NEK1: variants seen among roughly 807,000 people sequenced by gnomAD.
NEK1 encodes the protein serine/threonine-protein kinase Nek1.
Under a neutral mutation model 182.1 loss-of-function variants are expected in NEK1, and 137 were observed. The observed-to-expected ratio is 0.75, with a 90% CI of 0.65 to 0.87. The LOEUF is 0.87. Ranked by LOEUF, NEK1 falls within the 40% of genes least tolerant of loss-of-function variation. NEK1 has a pLI of 0.00. For synonymous variants in NEK1, 513 were observed against 492.2 expected (o/e 1.04, Z -0.56); for missense variants, 1,391 against 1,494.4 (o/e 0.93, Z 1.14).
At chr4:169,495,239 CTTTTTTTTTTT>C (rs774183115) in intron 23 of NEK1, among the ~76,000 whole-genome samples, 2 of 105,450 alleles carry the variant, frequency 1.9e-5, no homozygotes, top group South Asian at 4.2e-4. Context: ...ACATTTAAGT[CTTTTTTTTTTT>C]TTTTTTTTTT....
intron 27 of NEK1, among the ~76,000 whole-genome samples, chr4:169,440,600 G>A (rs1739260632): frequency 6.6e-6 from 1 of 152,136 alleles, no homozygotes; most frequent in Non-Finnish European, 1.5e-5. Flanking sequence ...CAGCCGCAAA[G>A]GGATGGGGAA....
intron 27 of NEK1, among the ~76,000 whole-genome samples, chr4:169,440,989 C>T (rs143100689): frequency 2.0e-5 from 3 of 152,192 alleles, no homozygotes; most frequent in Admixed American, 2.0e-4. Flanking sequence ...CCCCTGGAGC[C>T]CTACTGACAT....
chr4:169,460,709 C>T (rs551080811), intron 27 of NEK1, among the ~76,000 whole-genome samples: 26 of 151,956 alleles, frequency 1.7e-4, no homozygotes, highest in African/African-American at 6.3e-4. Context: ...GCAAAAAGAC[C>T]AAATCACTTA....
intron 11 of NEK1, among the ~76,000 whole-genome samples, chr4:169,579,879 T>C (rs990658294): frequency 1.3e-5 from 2 of 152,080 alleles, no homozygotes; most frequent in African/African-American, 2.4e-5. Context: ...ATTTTTATGA[T>C]ACATATTTTT....
chr4:169,500,726 T>C (rs1015488293), intron 23 of NEK1, among the ~76,000 whole-genome samples: 4 of 152,116 alleles, frequency 2.6e-5, no homozygotes, highest in African/African-American at 9.7e-5. Context: ...AGAGAATTTG[T>C]CACCAGCAGA....
intron 5 of NEK1, among the ~76,000 whole-genome samples, chr4:169,597,677 G>A (rs1179386422): frequency 2.0e-5 from 3 of 151,988 alleles, no homozygotes; most frequent in Admixed American, 1.3e-4. Context: ...GCTCACGCCT[G>A]TAATCCCAGC....
At chr4:169,451,826 A>G (rs994278959) in intron 27 of NEK1, among the ~76,000 whole-genome samples, 3 of 152,230 alleles carry the variant, frequency 2.0e-5, no homozygotes, top group Non-Finnish European at 4.4e-5. Context: ...AACCCTTCAA[A>G]AAATCAATGA....
At chr4:169,515,398 T>C (rs1755007820) in intron 19 of NEK1, among the ~76,000 whole-genome samples, 1 of 152,216 alleles carries the variant, frequency 6.6e-6, no homozygotes, top group Non-Finnish European at 1.5e-5. Context: ...TCAACTGTAA[T>C]TGTGAACCTG....
At position 169,578,594 on chromosome 4, in the gene NEK1, T is replaced by C. The variant is rs75442477; in HGVS notation, c.869-1515A>G. Among the ~76,000 whole-genome samples, 238 of 152,314 alleles carry C rather than the reference T, an allele frequency of 1.6e-3. 6 individuals carry two copies. In the East Asian group the frequency reaches 0.041, roughly 26 times the overall value. On this transcript the variant is annotated intron_variant, in intron 11 of 35. Coordinates refer to ENST00000507142, the MANE Select transcript of NEK1 (RefSeq NM_001199397.3). The stretch of plus-strand genomic sequence containing the variant: ...AAATTAAAAGAAACAAAACTTCTAA[T>C]AACGCATTCTCAATTTGTAGTTATG...
chr4:169,463,743 T>C (rs971637994), intron 26 of NEK1, among the ~76,000 whole-genome samples: 12 of 152,146 alleles, frequency 7.9e-5, no homozygotes, highest in African/African-American at 2.4e-4. Context: ...CTTTGAAATA[T>C]GTGCATATAC....
At position 169,586,458 on chromosome 4, in the gene NEK1, T is replaced by C. The variant is rs1039104284; in HGVS notation, c.607-909A>G. ...CAATGCACTTTCGTTTATCTCTCAATTGACACGCTCTTCATAAAGGGTAAG... is the reference window on the plus strand; with the variant it reads ...CAATGCACTTTCGTTTATCTCTCAACTGACACGCTCTTCATAAAGGGTAAG... On this transcript the variant is annotated intron_variant, in intron 9 of 35. Transcript: ENST00000507142. 5.9e-5 allele frequency among the ~76,000 whole-genome samples: 9 copies of C among 152,098 alleles called. No individual in the cohort carries two copies. The Middle Eastern group carries it at 0.014, about 230-fold the overall frequency.
chr4:169,574,562 G>A (rs1765390555), intron 12 of NEK1, among the ~76,000 whole-genome samples: 1 of 151,046 alleles, frequency 6.6e-6, no homozygotes, highest in Admixed American at 6.6e-5. Flanking sequence ...AGCTGAGATT[G>A]TGCCACTGCA....
chr4:169,540,785 G>A (rs1561375255), intron 18 of NEK1, among the ~76,000 whole-genome samples: 2 of 151,640 alleles, frequency 1.3e-5, no homozygotes, highest in Admixed American at 6.6e-5. Context: ...AAAGTATAAT[G>A]TAACAGGATA....
At chr4:169,451,997 T>C (rs1741888949) in intron 27 of NEK1, among the ~76,000 whole-genome samples, 1 of 152,168 alleles carries the variant, frequency 6.6e-6, no homozygotes, top group Non-Finnish European at 1.5e-5. Flanking sequence ...CAGAGAATAC[T>C]ATAAACACCT....
intron 3 of NEK1, 48 bp downstream of exon 3, chr4:169,602,466 A>G: frequency 9.9e-7 from 1 of 1,006,072 alleles, no homozygotes; most frequent in South Asian, 1.4e-5. Flanking sequence ...AATGAGCTCT[A>G]TTGTAACTAA....
chr4:169,426,195 A>T lies in NEK1; in HGVS notation c.2925T>A (p.Ser975=), dbSNP rs1736357316. The T allele has an allele frequency of 6.2e-7, 1 of 1,613,754 alleles. No homozygotes were observed. Among genetic ancestry groups the T allele is most frequent in the Admixed American group, 1.7e-5 (1 of 60,008 alleles). The change falls in exon 30 of 36, where the codon TCT becomes TCA. Residue 975 remains serine (S), a synonymous_variant. Transcript: ENST00000507142. ...CCACAGTACTCGAGACTCCATCTTC[A>T]GAAACTTCATTTTCCTGAATGGTGA... The part of the protein sequence containing the change: ...DRITIQENEV[S]EDGVSSTVDQ...
intron 26 of NEK1, among the ~76,000 whole-genome samples, chr4:169,474,331 G>C (rs992287819): frequency 6.6e-6 from 1 of 152,204 alleles, no homozygotes; most frequent in Non-Finnish European, 1.5e-5. Flanking sequence ...AAATGAGACA[G>C]TGATGTGATA....
chr4:169,396,147 C>G (rs921938483), intron 35 of NEK1, among the ~76,000 whole-genome samples: 4 of 151,910 alleles, frequency 2.6e-5, no homozygotes, highest in African/African-American at 9.7e-5. Flanking sequence ...AGACAGATCA[C>G]CTGAGGTCAG....
intron 23 of NEK1, among the ~76,000 whole-genome samples, chr4:169,488,710 A>T (rs1379800350): frequency 1.3e-5 from 2 of 152,180 alleles, no homozygotes; most frequent in Admixed American, 1.3e-4. Flanking sequence ...GGGGCTTAAT[A>T]ATGCTAGCTT....
Sources: allele counts gnomAD v4.1 joint callset (sites outside exome capture counted in the v4.1 genomes callset), GRCh38; gene constraint gnomAD v4.1.1; transcripts MANE v1.5; gene names NCBI Gene and HGNC (gene_info 2026-07-23, HGNC 2026-07-21).